Variants in TANK observed in about 807,000 individuals in gnomAD.
The protein encoded by TANK is TRAF family member-associated NF-kappa-B activator.
A neutral mutation model predicts 43.6 loss-of-function variants in TANK; 15 were observed. The ratio of observed to expected loss-of-function variants is 0.34; its 90% confidence interval spans 0.23 to 0.53. The LOEUF is 0.53. Ranked by LOEUF, TANK falls within the 20% of genes least tolerant of loss-of-function variation. The pLI is 0.94. For missense variants in TANK, 417 were observed against 498.6 expected, an observed-to-expected ratio of 0.84 and a Z score of 1.56; for synonymous variants, 162 against 178.2, an observed-to-expected ratio of 0.91 and a Z score of 0.73.
rs1317557379 is a variant in TANK at position 161,204,659 on chromosome 2, G to T, written c.209-16G>T. ...AAGGGTTTTCTGCTAATGTCCAAGA[G>T]GTTTTTGTCTTGCAGATAACAATTA... On this transcript the variant is annotated splice_polypyrimidine_tract_variant and intron_variant, in intron 3 of 7. Coordinates refer to ENST00000392749, the MANE Select transcript of TANK (RefSeq NM_001199135.3). The T allele has an allele frequency of 1.3e-6, 2 of 1,597,930 alleles. No individual in the cohort carries two copies. The highest frequency in any genetic ancestry group is 8.5e-7 in the Non-Finnish European group (1 of 1,174,438).
At chr2:161,166,246 A>G (rs544134904) in intron 1 of TANK, among the ~76,000 whole-genome samples, 11 of 152,366 alleles carry the variant, frequency 7.2e-5, no homozygotes, top group Non-Finnish European at 1.5e-4. Context: ...GGTTTCTATT[A>G]TATCAGCTGC....
intron 1 of TANK, among the ~76,000 whole-genome samples, chr2:161,151,273 T>C (rs1278850828): frequency 6.6e-6 from 1 of 152,202 alleles, no homozygotes; most frequent in East Asian, 1.9e-4. Flanking sequence ...ATGCTCTACA[T>C]GTCTGCTAGG....
At chr2:161,176,893 C>A (rs1280336871) in intron 1 of TANK, among the ~76,000 whole-genome samples, 1 of 152,076 alleles carries the variant, frequency 6.6e-6, no homozygotes. Context: ...GATAGCTTAG[C>A]CGCTTAGCTA....
intron 1 of TANK, among the ~76,000 whole-genome samples, chr2:161,178,201 G>T (rs1388986062): frequency 6.6e-6 from 1 of 152,046 alleles, no homozygotes; most frequent in Non-Finnish European, 1.5e-5. Context: ...ACACAAAAAT[G>T]TATACACAAA....
At chr2:161,139,293 G>A (rs1683674982) in intron 1 of TANK, among the ~76,000 whole-genome samples, 1 of 152,120 alleles carries the variant, frequency 6.6e-6, no homozygotes, top group Admixed American at 6.6e-5. Flanking sequence ...TAAGAATGAG[G>A]TTGGCTGTTG....
At chr2:161,205,735 G>A (rs1263769283) in intron 4 of TANK, among the ~76,000 whole-genome samples, 1 of 152,094 alleles carries the variant, frequency 6.6e-6, no homozygotes, top group Admixed American at 6.6e-5. Flanking sequence ...AGTAAAGATG[G>A]AAATTACAAA....
At chr2:161,210,144 A>T (rs915061184) in intron 4 of TANK, among the ~76,000 whole-genome samples, 1 of 152,216 alleles carries the variant, frequency 6.6e-6, no homozygotes, top group South Asian at 2.1e-4. Flanking sequence ...GAGGAACAAG[A>T]AAGATTTTTT....
intron 4 of TANK, among the ~76,000 whole-genome samples, chr2:161,220,783 G>A (rs1189255820): frequency 6.6e-6 from 1 of 152,102 alleles, no homozygotes; most frequent in Non-Finnish European, 1.5e-5. Context: ...AAAAGCAGGT[G>A]TTAAGGAAAA....
chr2:161,189,938 C>T (rs796702614), intron 2 of TANK, among the ~76,000 whole-genome samples: 76 of 152,176 alleles, frequency 5.0e-4, no homozygotes, highest in African/African-American at 1.7e-3. Flanking sequence ...TGACTTTTTG[C>T]GTATGACACT....
At chr2:161,205,925 T>A (rs1007182896) in intron 4 of TANK, among the ~76,000 whole-genome samples, 3 of 152,212 alleles carry the variant, frequency 2.0e-5, no homozygotes, top group Admixed American at 6.5e-5. Context: ...AGGCGCATGC[T>A]GCCATGCGTG....
At chr2:161,193,773 A>G (rs1464620310) in intron 2 of TANK, among the ~76,000 whole-genome samples, 1 of 152,200 alleles carries the variant, frequency 6.6e-6, no homozygotes, top group Non-Finnish European at 1.5e-5. Context: ...ATTTGTGCAG[A>G]TGATTTCTGT....
intron 1 of TANK, among the ~76,000 whole-genome samples, chr2:161,146,121 T>C (rs1055570612): frequency 1.3e-5 from 2 of 152,214 alleles, no homozygotes; most frequent in African/African-American, 4.8e-5. Flanking sequence ...ATTCGGCTAT[T>C]GATACTTGTG....
intron 1 of TANK, among the ~76,000 whole-genome samples, chr2:161,164,909 A>G (rs531839677): frequency 5.2e-4 from 79 of 152,254 alleles, no homozygotes; most frequent in Middle Eastern, 6.8e-3. Flanking sequence ...GTCTCATGGA[A>G]AATTTCCTGG....
At chr2:161,183,632 A>C (rs1158679656) in intron 2 of TANK, among the ~76,000 whole-genome samples, 6 of 152,124 alleles carry the variant, frequency 3.9e-5, no homozygotes, top group African/African-American at 1.2e-4. Context: ...GGAAAAAGGA[A>C]AATTTTTTTA....
chr2:161,165,435 A>G (rs547561348), intron 1 of TANK, among the ~76,000 whole-genome samples: 6 of 152,342 alleles, frequency 3.9e-5, no homozygotes, highest in African/African-American at 1.4e-4. Context: ...ATTCACAACC[A>G]TTTATTATGT....
chr2:161,179,855 G>A, intron 2 of TANK, 94 bp downstream of exon 2: 1 of 1,427,324 alleles, frequency 7.0e-7, no homozygotes, highest in Non-Finnish European at 9.3e-7. Context: ...GTTAGAAATT[G>A]CCCTGAAGAA....
intron 2 of TANK, among the ~76,000 whole-genome samples, chr2:161,198,619 G>A (rs559835628): frequency 1.3e-5 from 2 of 152,302 alleles, no homozygotes; most frequent in African/African-American, 2.4e-5. Flanking sequence ...TGAGCATATC[G>A]CGAGACAAAT....
At chr2:161,163,246 G>C (rs997677396) in intron 1 of TANK, 1 of 152,144 alleles carries the variant, frequency 6.6e-6, no homozygotes. Flanking sequence ...ATGAAACCAT[G>C]TGGGTCTGGG....
chr2:161,197,082 G>A (rs1259326660), intron 2 of TANK, among the ~76,000 whole-genome samples: 2 of 152,120 alleles, frequency 1.3e-5, no homozygotes, highest in Non-Finnish European at 2.9e-5. Context: ...GTCAATAGCA[G>A]TTACCCTTGA....
Sources: allele counts gnomAD v4.1 joint callset (sites outside exome capture counted in the v4.1 genomes callset), GRCh38; gene constraint gnomAD v4.1.1; transcripts MANE v1.5; gene names NCBI Gene and HGNC (gene_info 2026-07-23, HGNC 2026-07-21).